Variants in LPCAT1 observed in about 807,000 individuals in gnomAD.
LPCAT1 encodes the protein lysophosphatidylcholine acyltransferase 1.
LPCAT1 carries 23 observed loss-of-function variants against 60.9 expected under a neutral mutation model. The observed-to-expected ratio is 0.38, with a 90% CI of 0.27 to 0.53. The LOEUF is 0.53. LPCAT1 is among the 20% of genes least tolerant of loss of function. The pLI is 0.82. For synonymous variants in LPCAT1, 340 were observed against 301.1 expected (o/e 1.13, Z -1.34); for missense variants, 622 against 723.6 (o/e 0.86, Z 1.61).
At chr5:1,509,931 A>C (rs1006082634) in intron 1 of LPCAT1, among the ~76,000 whole-genome samples, 1 of 152,178 alleles carries the variant, frequency 6.6e-6, no homozygotes. Context: ...GGCCTGCAGG[A>C]GGAGGGATGG....
chr5:1,479,479 G>A (rs1227737869), intron 8 of LPCAT1, 142 bp downstream of exon 8: 16 of 679,058 alleles, frequency 2.4e-5, no homozygotes, highest in Non-Finnish European at 3.8e-5. Context: ...GCTCCTCGAA[G>A]GAGCCCTGAG....
At chr5:1,494,380 G>A (rs992935435) in intron 3 of LPCAT1, among the ~76,000 whole-genome samples, 12 of 152,212 alleles carry the variant, frequency 7.9e-5, no homozygotes, top group Admixed American at 2.0e-4. Context: ...CAATGTGCCC[G>A]GCGGTGGGGG....
rs896127822 is a variant in LPCAT1, at chr5:1,463,843, G to A, written c.1421-8C>T. On this transcript the variant is annotated splice_polypyrimidine_tract_variant and splice_region_variant and intron_variant, in intron 13 of 13. Coordinates refer to ENST00000283415, the MANE Select transcript of LPCAT1 (RefSeq NM_024830.5). ...CAAACCTGTGGAAGTCAGCTGGAAA[G>A]ACAAAGGCACCTGTGGTTATGGAAT... is the stretch of plus-strand genomic sequence containing the variant. The A allele has an allele frequency of 1.3e-5, 21 of 1,613,126 alleles. No individual in the cohort carries two copies. Among genetic ancestry groups the A allele is most frequent in the Non-Finnish European group, 1.8e-5 (21 of 1,179,368 alleles).
rs1735235735 is a variant in LPCAT1, at chr5:1,483,353, T to G, written c.726+75A>C. ...GGGTGTGGAGAGACAGAGACACAGG[T>G]GCACAGAGGCAGCTCGCAGTTCCCG... is the stretch of plus-strand genomic sequence containing the variant. On this transcript the variant is annotated intron_variant, in intron 6 of 13. Transcript: ENST00000283415. The surrounding 1 kb of genome is among the most constrained non-coding windows in gnomAD (Gnocchi z 9.2). 7.0e-7 allele frequency: 1 copy of G among 1,434,346 alleles called. No individual in the cohort carries two copies. The highest frequency in any genetic ancestry group is 9.8e-7 in the Non-Finnish European group (1 of 1,017,188). The allele number at this position is 1,434,346 out of a possible 1,614,324, so 88.9% of individuals were successfully genotyped here. A position where few individuals can be genotyped will look rare whatever the true frequency, so the allele number is the denominator to read the frequency against.
intron 1 of LPCAT1, among the ~76,000 whole-genome samples, chr5:1,507,008 C>T (rs961769214): frequency 6.6e-6 from 1 of 152,186 alleles, no homozygotes; most frequent in South Asian, 2.1e-4. Context: ...CACTGCAAGT[C>T]GTGGACAGGG....
At chr5:1,501,716 G>T in intron 1 of LPCAT1, 113 bp from the exon 2 acceptor site, 1 of 1,100,056 alleles carries the variant, frequency 9.1e-7, no homozygotes, top group Non-Finnish European at 1.3e-6. Flanking sequence ...GGAGAGCTGG[G>T]GAGGGGCTGC....
rs1250075901 is a variant in LPCAT1 at position 1,495,477 on chromosome 5, T to G, written c.279-563A>C. 6.6e-6 allele frequency among the ~76,000 whole-genome samples: 1 copy of G among 152,122 alleles called. No homozygotes were observed. The highest frequency in any genetic ancestry group is 1.5e-5 in the Non-Finnish European group (1 of 68,004). ...TTTCTGGAGGAAATTAGATGGCCAA[T>G]AAATTTGGAAAATAAAGTAAAAATC... On this transcript the variant is annotated intron_variant, in intron 2 of 13. Transcript: ENST00000283415. This position sits in a 1 kb window ranked among gnomAD's most constrained non-coding sequence, Gnocchi z 4.7.
intron 13 of LPCAT1, 58 bp downstream of exon 13, chr5:1,466,691 C>T: frequency 1.9e-6 from 3 of 1,539,110 alleles, no homozygotes; most frequent in Non-Finnish European, 2.6e-6. Flanking sequence ...ACTCGCCCCA[C>T]ACTCTGTCCA....
chr5:1,511,100 C>T (rs1303436681), intron 1 of LPCAT1, among the ~76,000 whole-genome samples: 1 of 152,198 alleles, frequency 6.6e-6, no homozygotes, highest in Admixed American at 6.5e-5. Context: ...GCACTGAAGC[C>T]CCATATCCCA....
At chr5:1,507,995 G>A (rs184848772) in intron 1 of LPCAT1, among the ~76,000 whole-genome samples, 24 of 152,334 alleles carry the variant, frequency 1.6e-4, no homozygotes, top group African/African-American at 3.4e-4. Context: ...CCAGAGGCCC[G>A]AGGGAGCTCG....
Position 1,463,104 on chromosome 5 carries a change from T to A in LPCAT1, c.*547A>T, listed in dbSNP as rs185610633. ...TCATTTTTTAAAAAATGCTGCATGTTTCCTGAAGTACCTAAATGGAGTTTA... is the reference window on the plus strand; with the variant it reads ...TCATTTTTTAAAAAATGCTGCATGTATCCTGAAGTACCTAAATGGAGTTTA... On this transcript the variant is annotated 3_prime_UTR_variant, in exon 14 of 14. Coordinates refer to ENST00000283415, the MANE Select transcript of LPCAT1 (RefSeq NM_024830.5). The A allele has an allele frequency of 3.9e-5, 6 of 152,612 alleles. No individual in the cohort carries two copies. The highest frequency in any genetic ancestry group is 1.4e-4 in the African/African-American group (6 of 41,584). 9.5% of individuals were successfully genotyped at this position (152,612 alleles called of 1,614,324 possible). A position where few individuals can be genotyped will look rare whatever the true frequency, so the allele number is the denominator to read the frequency against.
intron 5 of LPCAT1, among the ~76,000 whole-genome samples, chr5:1,484,215 C>T (rs530673246): frequency 4.6e-5 from 7 of 152,364 alleles, no homozygotes; most frequent in African/African-American, 1.7e-4. Context: ...CCAGCTAGAG[C>T]CACAGGCCGC....
intron 11 of LPCAT1, 129 bp from the exon 12 acceptor site, chr5:1,471,053 GA>G: frequency 2.9e-6 from 2 of 694,886 alleles, no homozygotes; most frequent in Non-Finnish European, 2.4e-6. Flanking sequence ...CTGCCCATGT[GA>G]AAAGGGAATC....
At chr5:1,503,252 C>T (rs1560986562) in intron 1 of LPCAT1, among the ~76,000 whole-genome samples, 1 of 152,228 alleles carries the variant, frequency 6.6e-6, no homozygotes, top group East Asian at 1.9e-4. Flanking sequence ...CAAGCAACCA[C>T]AAATCTGTTA....
At chr5:1,473,814 A>G (rs1219659444) in intron 11 of LPCAT1, 143 bp downstream of exon 11, 1 of 922,930 alleles carries the variant, frequency 1.1e-6, no homozygotes, top group East Asian at 2.6e-5. Flanking sequence ...CCTCAAAATG[A>G]TAGGGTGGGG....
chr5:1,465,127 CA>C (rs1200510484), intron 13 of LPCAT1, among the ~76,000 whole-genome samples: 4 of 139,284 alleles, frequency 2.9e-5, no homozygotes, highest in Non-Finnish European at 6.2e-5. Context: ...CACACACACA[CA>C]AAACAAGCGC....
At chr5:1,464,854 A>G (rs1197702276) in intron 13 of LPCAT1, among the ~76,000 whole-genome samples, 1 of 144,276 alleles carries the variant, frequency 6.9e-6, no homozygotes, top group Non-Finnish European at 1.5e-5. Context: ...GTGTGTGCAC[A>G]CACAGTAAAC....
chr5:1,464,916 G>A (rs1441629931), intron 13 of LPCAT1, among the ~76,000 whole-genome samples: 1 of 149,760 alleles, frequency 6.7e-6, no homozygotes, highest in Non-Finnish European at 1.5e-5. Flanking sequence ...AAACACACAT[G>A]CGTGCACACA....
rs1347824821 is a variant in LPCAT1 at position 1,462,677 on chromosome 5, C to G, written c.*974G>C. On this transcript the variant is annotated 3_prime_UTR_variant, in exon 14 of 14. Coordinates refer to ENST00000283415, the MANE Select transcript of LPCAT1 (RefSeq NM_024830.5). ...AGATGCAGCCGCTTCCAGCAGGGAC[C>G]TGGCCTGAGGGCAAGGGAGGAGCGG... The G allele has an allele frequency of 1.3e-5, 2 of 152,280 alleles. No individual in the cohort carries two copies. Among genetic ancestry groups the G allele is most frequent in the Non-Finnish European group, 2.9e-5 (2 of 68,062 alleles). The allele number at this position is 152,280 out of a possible 1,614,324, so 9.4% of individuals were successfully genotyped here.
Sources: gnomAD v4.1 joint callset for allele counts (sites outside exome capture counted in the v4.1 genomes callset) on GRCh38, gnomAD v4.1.1 for gene constraint, Gnocchi (gnomAD v3.1) non-coding constraint, MANE v1.5 for transcripts, NCBI Gene and HGNC (gene_info 2026-07-23, HGNC 2026-07-21) for gene names.